Variants in AHNAK observed in about 807,000 individuals in gnomAD.
AHNAK encodes the protein neuroblast differentiation-associated protein AHNAK.
In AHNAK, 23 loss-of-function variants were observed where a neutral mutation model predicts 37.8. That is an observed-to-expected ratio of 0.61 (90% confidence interval 0.44 to 0.86). The LOEUF (loss-of-function observed/expected upper bound fraction) is 0.86. Ranked by LOEUF, AHNAK falls within the 40% of genes least tolerant of loss-of-function variation. The pLI, the probability that AHNAK is intolerant of heterozygous loss-of-function variation, is 0.00. For missense variants in AHNAK, 7,411 were observed against 7,319.4 expected (o/e 1.01, Z -0.46); for synonymous variants, 2,481 against 2,636.3 (o/e 0.94, Z 1.80).
Position 62,537,079 on chromosome 11 carries a change from G to C in AHNAK, c.-99-512C>G, listed in dbSNP as rs141892202. Among the ~76,000 whole-genome samples, 1,219 of 149,588 alleles carry C rather than the reference G, an allele frequency of 8.1e-3. 24 individuals are homozygous for C. The highest frequency in any genetic ancestry group is 0.029 in the African/African-American group (1,167 of 40,528). Reference sequence around the variant, plus strand: ...CGCCAGTCTCCTGCCTCAGCCTCCCGAGTAGCTGGGACTACAGGCGCCCGC... The same window carrying C: ...CGCCAGTCTCCTGCCTCAGCCTCCCCAGTAGCTGGGACTACAGGCGCCCGC... On this transcript the variant is annotated intron_variant, in intron 1 of 4. Coordinates refer to ENST00000378024, the MANE Select transcript of AHNAK (RefSeq NM_001620.3).
chr11:62,499,022 C>T (rs1025692434), intron 4 of AHNAK, among the ~76,000 whole-genome samples: 1 of 152,140 alleles, frequency 6.6e-6, no homozygotes, highest in African/African-American at 2.4e-5. Context: ...TATATTCCAG[C>T]GGACTTTATG....
chr11:62,539,211 A>G (rs1179687708), intron 1 of AHNAK, among the ~76,000 whole-genome samples: 1 of 152,242 alleles, frequency 6.6e-6, no homozygotes, highest in African/African-American at 2.4e-5. Flanking sequence ...TCCAGTGCTC[A>G]GGAGCCAGCC....
At chr11:62,475,163 C>G (rs1939117433) in intron 5 of AHNAK, among the ~76,000 whole-genome samples, 1 of 152,132 alleles carries the variant, frequency 6.6e-6, no homozygotes, top group African/African-American at 2.4e-5. Context: ...ATTAGCCAGG[C>G]ATAGTGGCAG....
In AHNAK at chr11:62,532,064, T is replaced by C. The variant is rs372223705; in HGVS notation, c.2353A>G (p.Ile785Val). The C allele has an allele frequency of 6.2e-7, 1 of 1,607,406 alleles. No individual in the cohort carries two copies. The highest frequency in any genetic ancestry group is 2.2e-5 in the East Asian group (1 of 44,470). Reference sequence around the variant, plus strand: ...CTCACATCAGGAGCAGTAACATCTATCTTGGGCCCGGAAATGTCCACATCA... The same window carrying C: ...CTCACATCAGGAGCAGTAACATCTACCTTGGGCCCGGAAATGTCCACATCA... Reference protein sequence around the residue: ...KADVDISGPKIDVTAPDVSIE... With the variant: ...KADVDISGPKVDVTAPDVSIE... Residue 785 changes from isoleucine (I) to valine (V), a missense_variant, in exon 5 of 5, where the codon ATA becomes GTA. Coordinates refer to ENST00000378024, the MANE Select transcript of AHNAK (RefSeq NM_001620.3).
intron 5 of AHNAK, among the ~76,000 whole-genome samples, chr11:62,457,052 G>A (rs1938672608): frequency 6.6e-6 from 1 of 152,186 alleles, no homozygotes; most frequent in South Asian, 2.1e-4. Context: ...TGTAATCCCA[G>A]CACTTTGGGA....
intron 5 of AHNAK, among the ~76,000 whole-genome samples, chr11:62,434,170 C>A (rs1353729282): frequency 6.6e-6 from 1 of 152,076 alleles, no homozygotes; most frequent in South Asian, 2.1e-4. Flanking sequence ...TTTGGTGCCC[C>A]CCATACAAGC....
chr11:62,454,604 G>A lies in AHNAK; in HGVS notation c.443-20713C>T, dbSNP rs1410349575. On this transcript the variant is annotated intron_variant, in intron 5 of 5. Coordinates refer to the AHNAK transcript ENST00000257247. ...TATTTTCGCAGGATGCCACCCTGGG[G>A]ACCCGCTCCTTTAGCCAAAATTATG... Among the ~76,000 whole-genome samples, 2 of 152,082 alleles carry A rather than the reference G, an allele frequency of 1.3e-5. 1 individual carries two copies. Among genetic ancestry groups the A allele is most frequent in the South Asian group, 4.1e-4 (2 of 4,834 alleles).
chr11:62,526,595 G>A lies in AHNAK; in HGVS notation c.7822C>T (p.Leu2608Phe). Residue 2608 changes from leucine to phenylalanine, a missense_variant, in exon 5 of 5, where the codon CTC becomes TTC. Leu to Phe is a conservative substitution (Grantham distance 22, BLOSUM62 0). Coordinates refer to ENST00000378024, the MANE Select transcript of AHNAK (RefSeq NM_001620.3). The part of the protein sequence containing the change: ...DVSLPKVEGD[L>F]KGPEVDIKGP... ...TTGATGTCAACTTCGGGGCCCTTGA[G>A]GTCACCTTCCACTTTGGGCAGAGAA... 1 of 1,613,364 alleles carries A rather than the reference G, an allele frequency of 6.2e-7. No individual in the cohort carries two copies. Among genetic ancestry groups the A allele is most frequent in the Non-Finnish European group, 8.5e-7 (1 of 1,179,902 alleles).
chr11:62,464,219 T>C (rs905822718), intron 5 of AHNAK, among the ~76,000 whole-genome samples: 1 of 151,672 alleles, frequency 6.6e-6, no homozygotes, highest in Non-Finnish European at 1.5e-5. Flanking sequence ...AATCTTTTTC[T>C]TTTTTGGGGG....
Position 62,524,601 on chromosome 11 carries a change from T to C in AHNAK, c.9816A>G (p.Pro3272=), listed in dbSNP as rs1940400481. The change falls in exon 5 of 5, where the codon CCA becomes CCG. Residue 3272 remains proline, a synonymous_variant. Transcript: ENST00000378024. ...VDAPDIDIHG[P]DAKLKGPKLK... ...GTTTTGGACCTTTTAATTTGGCATC[T>C]GGGCCATGAATGTCAATATCTGGAG... 6.2e-7 allele frequency: 1 copy of C among 1,614,090 alleles called. No homozygotes were observed. Among genetic ancestry groups the C allele is most frequent in the East Asian group, 2.2e-5 (1 of 44,884 alleles).
chr11:62,530,114 T>G lies in AHNAK; in HGVS notation c.4303A>C (p.Lys1435Gln), dbSNP rs762775023. The G allele has an allele frequency of 5.0e-6, 8 of 1,614,166 alleles. No homozygotes were observed. The Admixed American group carries it at 1.3e-4, about 27-fold the overall frequency. Residue 1435 changes from lysine (K) to glutamine (Q), a missense_variant, in exon 5 of 5, where the codon AAA becomes CAA. Coordinates refer to ENST00000378024, the MANE Select transcript of AHNAK (RefSeq NM_001620.3). ...TCTGGCATCTTGAATTTGGGACCTT[T>G]TAGTTTTGCGTCTGGACCTTCAATA... ...VNIEGPDAKLKGPKFKMPEMS... is the reference protein window; with the variant it reads ...VNIEGPDAKLQGPKFKMPEMS...
intron 5 of AHNAK, among the ~76,000 whole-genome samples, chr11:62,471,869 A>T (rs774961278): frequency 6.6e-6 from 1 of 152,138 alleles, no homozygotes; most frequent in African/African-American, 2.4e-5. Flanking sequence ...TGAGAAAAGC[A>T]AGAAGAGCAC....
chr11:62,514,643 C>A (rs1939974646), downstream of AHNAK, among the ~76,000 whole-genome samples: 1 of 152,196 alleles, frequency 6.6e-6, no homozygotes, highest in Non-Finnish European at 1.5e-5. Flanking sequence ...CGAACTCTGG[C>A]CCTATGAATG....
rs140355872 is a variant in AHNAK, at chr11:62,521,125, G to C, written c.13292C>G (p.Pro4431Arg). Reference protein sequence around the residue: ...IKGPSLDIDTPDVNIEGPEGK... With the variant: ...IKGPSLDIDTRDVNIEGPEGK... ...TTCCGGACCTTCAATATTGACATCAGGTGTGTCAATGTCCAAACTGGGGCC... is the reference window on the plus strand; with the variant it reads ...TTCCGGACCTTCAATATTGACATCACGTGTGTCAATGTCCAAACTGGGGCC... The change falls in exon 5 of 5, where the codon CCT (proline) becomes CGT (arginine). Residue 4431 changes from proline to arginine, a missense_variant. Transcript: ENST00000378024. 5 of 1,613,832 alleles carry C rather than the reference G, an allele frequency of 3.1e-6. No homozygotes were observed. The South Asian group carries it at 4.4e-5, about 14-fold the overall frequency.
Position 62,518,859 on chromosome 11 carries a change from G to A in AHNAK, c.15558C>T (p.Ser5186=), listed in dbSNP as rs1940121547. Residue 5186 remains serine, a synonymous_variant, in exon 5 of 5, where the codon TCC becomes TCT. Coordinates refer to ENST00000378024, the MANE Select transcript of AHNAK (RefSeq NM_001620.3). Reference sequence around the variant, plus strand: ...AGACTTGAGGGGCAGAAATGCCGAAGGACGGTGTTTTGACTTTAGCATCTA... The same window carrying A: ...AGACTTGAGGGGCAGAAATGCCGAAAGACGGTGTTTTGACTTTAGCATCTA... ...EGLDAKVKTP[S]FGISAPQVSI... 29 of 1,614,106 alleles carry A rather than the reference G, an allele frequency of 1.8e-5. No homozygotes were observed. Among genetic ancestry groups the A allele is most frequent in the Non-Finnish European group, 2.3e-5 (27 of 1,180,046 alleles).
chr11:62,533,770 G>C lies in AHNAK; in HGVS notation c.647C>G (p.Ser216Cys). ...GATATCCACAGCAGAGCCTGTCGGA[G>C]AGGCTGCCCCCGAGCCCGAGGGCAG... is the stretch of plus-strand genomic sequence containing the variant. ...IRLPSGSGAA[S>C]PTGSAVDIRA... The change falls in exon 5 of 5, where the codon TCT becomes TGT. Residue 216 changes from serine to cysteine, a missense_variant. Coordinates refer to ENST00000378024, the MANE Select transcript of AHNAK (RefSeq NM_001620.3). 6.2e-7 allele frequency: 1 copy of C among 1,614,186 alleles called. No homozygotes were observed. Among genetic ancestry groups the C allele is most frequent in the Non-Finnish European group, 8.5e-7 (1 of 1,180,034 alleles).
At chr11:62,462,447 T>G (rs1369670176) in intron 5 of AHNAK, among the ~76,000 whole-genome samples, 4 of 152,214 alleles carry the variant, frequency 2.6e-5, no homozygotes, top group Non-Finnish European at 5.9e-5. Flanking sequence ...GCAACGTTCC[T>G]TTGCCACAGG....
downstream of AHNAK, among the ~76,000 whole-genome samples, chr11:62,511,631 A>T (rs1565219047): frequency 6.6e-6 from 1 of 152,220 alleles, no homozygotes; most frequent in Non-Finnish European, 1.5e-5. Flanking sequence ...CCATTGGGAC[A>T]TATGTGTGCT....
In AHNAK at chr11:62,527,314, T is replaced by C; in HGVS notation, c.7103A>G (p.Lys2368Arg). 6.2e-7 allele frequency: 1 copy of C among 1,613,912 alleles called. No individual in the cohort carries two copies. The highest frequency in any genetic ancestry group is 8.5e-7 in the Non-Finnish European group (1 of 1,179,932). The change falls in exon 5 of 5, where the codon AAG becomes AGG. Residue 2368 changes from lysine (K) to arginine (R), a missense_variant. Coordinates refer to ENST00000378024, the MANE Select transcript of AHNAK (RefSeq NM_001620.3). ...PEVAVEGPNG[K>R]WKTPKFKMPD... ...CATCTTGAACTTAGGAGTTTTCCAC[T>C]TGCCATTTGGGCCTTCCACAGCTAC...
Sources: gnomAD v4.1 joint callset for allele counts (sites outside exome capture counted in the v4.1 genomes callset) on GRCh38, gnomAD v4.1.1 for gene constraint, MANE v1.5 for transcripts, NCBI Gene and HGNC (gene_info 2026-07-23, HGNC 2026-07-21) for gene names.